P2RY2: variants seen among roughly 807,000 people sequenced by gnomAD.
The protein encoded by P2RY2 is P2Y purinoceptor 2.
For synonymous variants in P2RY2, 241 were observed against 231.9 expected (o/e 1.04, Z -0.35); for missense variants, 567 against 515.7 (o/e 1.10, Z -0.96).
In P2RY2 at chr11:73,235,326, T is replaced by C. The variant is rs775834297; in HGVS notation, c.*33T>C. ...ACACTTCAGCCTGTGCAGGTTTATA[T>C]TGGGAAGCTGTAGAGGACCAGGACT... is the stretch of plus-strand genomic sequence containing the variant. On this transcript the variant is annotated 3_prime_UTR_variant, in exon 3 of 3. Coordinates refer to ENST00000393597, the MANE Select transcript of P2RY2 (RefSeq NM_002564.4). 1.3e-6 allele frequency: 2 copies of C among 1,518,394 alleles called. No individual in the cohort carries two copies. Among genetic ancestry groups the C allele is most frequent in the South Asian group, 1.3e-5 (1 of 75,628 alleles). The allele number at this position is 1,518,394 out of a possible 1,614,324, so 94.1% of individuals were successfully genotyped here.
intron 2 of P2RY2, among the ~76,000 whole-genome samples, chr11:73,230,464 G>C (rs568542014): frequency 2.6e-5 from 4 of 151,956 alleles, no homozygotes; most frequent in Non-Finnish European, 4.4e-5. Context: ...TAACACCACC[G>C]TGGGCCTACT....
intron 1 of P2RY2, among the ~76,000 whole-genome samples, chr11:73,219,192 T>G: frequency 6.6e-6 from 1 of 152,318 alleles, no homozygotes. Flanking sequence ...CATCCCCAGC[T>G]TCCCAGGACC....
chr11:73,230,707 A>G (rs1012957457), intron 2 of P2RY2, among the ~76,000 whole-genome samples: 1 of 152,116 alleles, frequency 6.6e-6, no homozygotes, highest in African/African-American at 2.4e-5. Context: ...AAGCAGCAGC[A>G]ACTAAGGCTG....
intron 1 of P2RY2, among the ~76,000 whole-genome samples, chr11:73,222,436 T>C (rs896615296): frequency 3.3e-5 from 5 of 152,118 alleles, no homozygotes; most frequent in African/African-American, 1.2e-4. Context: ...GCACCATCTT[T>C]GTAAAGGTTG....
intron 1 of P2RY2, among the ~76,000 whole-genome samples, chr11:73,219,175 A>G (rs922422451): frequency 5.9e-5 from 9 of 152,196 alleles, no homozygotes; most frequent in African/African-American, 2.2e-4. Flanking sequence ...TGTTCCTCTC[A>G]GCATGGCATC....
intron 1 of P2RY2, among the ~76,000 whole-genome samples, chr11:73,225,664 A>AGCTTTGTGAGCTGTGAGGTT (rs777327318): frequency 2.1e-3 from 324 of 152,132 alleles, no homozygotes; most frequent in African/African-American, 7.3e-3. Context: ...GCCGTTTGCT[A>AGCTTTGTGAGCTGTGAGGTT]ATTCAGGATT....
intron 1 of P2RY2, among the ~76,000 whole-genome samples, chr11:73,226,411 G>A (rs866375356): frequency 6.6e-6 from 1 of 152,070 alleles, no homozygotes. Flanking sequence ...TAGATCAGTG[G>A]GGAGCTACCA....
rs149494051 is a variant in P2RY2, at chr11:73,234,947, T to C, written c.788T>C (p.Val263Ala). ...VFALCFLPFH[V>A]TRTLYYSFRS... ...GCCCTCTGCTTCCTGCCATTCCACG[T>C]CACCCGCACCCTCTACTACTCCTTC... The change falls in exon 3 of 3, where the codon GTC (valine) becomes GCC (alanine). Residue 263 changes from valine to alanine, a missense_variant. Transcript: ENST00000393597. The C allele has an allele frequency of 1.5e-4, 235 of 1,610,962 alleles. 1 individual carries two copies. The African/African-American group carries it at 2.4e-3, about 16-fold the overall frequency.
Position 73,231,528 on chromosome 11 carries a change from G to A in P2RY2, c.-4-2628G>A, listed in dbSNP as rs146937874. ...GCTGAGATCACGCCACTGCATTCCA[G>A]TCTGGGTGATGGAGTGAGAATCTGT... is the stretch of plus-strand genomic sequence containing the variant. On this transcript the variant is annotated intron_variant, in intron 2 of 2. Transcript: ENST00000393597. 1.3e-4 allele frequency among the ~76,000 whole-genome samples: 19 copies of A among 151,258 alleles called. No homozygotes were observed. The East Asian group carries it at 3.5e-3, about 28-fold the overall frequency.
chr11:73,228,118 G>A lies in P2RY2; in HGVS notation c.-62G>A, dbSNP rs1212522040. On this transcript the variant is annotated 5_prime_UTR_variant, in exon 2 of 3. An upstream start codon of the reference 5' UTR is lost. Coordinates refer to ENST00000393597, the MANE Select transcript of P2RY2 (RefSeq NM_002564.4). ...TCCAGGTCCAGGCGTGTGCATTCAT[G>A]AGTGAGGAACCCGTGCAGGCGCTGA... 6.6e-6 allele frequency: 1 copy of A among 151,104 alleles called. No individual in the cohort carries two copies. Among genetic ancestry groups the A allele is most frequent in the Admixed American group, 6.6e-5 (1 of 15,138 alleles). 9.4% of individuals were successfully genotyped at this position (151,104 alleles called of 1,614,324 possible).
At position 73,235,963 on chromosome 11, in the gene P2RY2, GA is replaced by G. The variant is rs1862641907; in HGVS notation, c.*671del. On this transcript the variant is annotated 3_prime_UTR_variant, in exon 3 of 3. Coordinates refer to ENST00000393597, the MANE Select transcript of P2RY2 (RefSeq NM_002564.4). Reference sequence around the variant, plus strand: ...GTGCCCTATTGTGTGGTCGGGGGATGAGGATATGGCAGGGAAGCTTTCACCA... The same window carrying G: ...GTGCCCTATTGTGTGGTCGGGGGATGGGATATGGCAGGGAAGCTTTCACCA... 1 of 1,000,240 alleles carries G rather than the reference GA, an allele frequency of 1.0e-6. No individual in the cohort carries two copies. Among genetic ancestry groups the G allele is most frequent in the African/African-American group, 1.7e-5 (1 of 57,222 alleles). 62.0% of individuals were successfully genotyped at this position (1,000,240 alleles called of 1,614,324 possible). A position where few individuals can be genotyped will look rare whatever the true frequency, so the allele number is the denominator to read the frequency against.
chr11:73,225,592 G>C lies in P2RY2; in HGVS notation c.-199-2389G>C, dbSNP rs541961213. Among the ~76,000 whole-genome samples the C allele has an allele frequency of 4.8e-4, 73 of 152,368 alleles. 1 individual carries two copies. The highest frequency in any genetic ancestry group is 2.3e-3 in the South Asian group (11 of 4,830). On this transcript the variant is annotated intron_variant, in intron 1 of 2. Coordinates refer to ENST00000393597, the MANE Select transcript of P2RY2 (RefSeq NM_002564.4). ...CTTCCTGGGAGAGGGCCGGGGCCTT[G>C]CAGGGCAGGAGGTAGTGGTCAGGGG...
At position 73,237,094 on chromosome 11, in the gene P2RY2, G is replaced by A; in HGVS notation, c.*1801G>A. 1.0e-6 allele frequency: 1 copy of A among 985,318 alleles called. No individual in the cohort carries two copies. Among genetic ancestry groups the A allele is most frequent in the Non-Finnish European group, 1.2e-6 (1 of 829,900 alleles). The allele number at this position is 985,318 out of a possible 1,614,324, so 61.0% of individuals were successfully genotyped here. On this transcript the variant is annotated 3_prime_UTR_variant, in exon 3 of 3. Coordinates refer to ENST00000393597, the MANE Select transcript of P2RY2 (RefSeq NM_002564.4). ...GCTGTATTTGGAGCCTGACTCCACA[G>A]CGCCCTCATGTGACAGAGACCCATC...
chr11:73,225,197 G>A (rs1405898350), intron 1 of P2RY2, among the ~76,000 whole-genome samples: 1 of 152,198 alleles, frequency 6.6e-6, no homozygotes, highest in Non-Finnish European at 1.5e-5. Context: ...TCTAGTGGAG[G>A]GGCTGGAATG....
At position 73,238,976 on chromosome 11, in the gene P2RY2, A is replaced by C. The variant is rs1445243059; in HGVS notation, c.*3683A>C. 2 of 152,120 alleles carry C rather than the reference A, an allele frequency of 1.3e-5. No homozygotes were observed. The highest frequency in any genetic ancestry group is 2.9e-5 in the Non-Finnish European group (2 of 68,022). 9.4% of individuals were successfully genotyped at this position (152,120 alleles called of 1,614,324 possible). ...CTGGGGTCTCTTGGGCAAGTTACCT[A>C]ATCTTGCAGCACCTCAGTTTTCCCA... On this transcript the variant is annotated 3_prime_UTR_variant, in exon 3 of 3. Transcript: ENST00000393597.
rs1376811684 is a variant in P2RY2 at position 73,241,641 on chromosome 11, T to C, written c.*6348T>C. Reference sequence around the variant, plus strand: ...TTCCATCGCCTGCTTAATTGAATGCTCACCTGTCCTCTTCCCCCATGCTGT... The same window carrying C: ...TTCCATCGCCTGCTTAATTGAATGCCCACCTGTCCTCTTCCCCCATGCTGT... On this transcript the variant is annotated 3_prime_UTR_variant, in exon 3 of 3. Coordinates refer to ENST00000393597, the MANE Select transcript of P2RY2 (RefSeq NM_002564.4). 1.3e-5 allele frequency: 2 copies of C among 152,190 alleles called. No homozygotes were observed. Among genetic ancestry groups the C allele is most frequent in the African/African-American group, 4.8e-5 (2 of 41,428 alleles). The allele number at this position is 152,190 out of a possible 1,614,324, so 9.4% of individuals were successfully genotyped here. A position where few individuals can be genotyped will look rare whatever the true frequency, so the allele number is the denominator to read the frequency against.
chr11:73,225,296 A>G (rs1354413906), intron 1 of P2RY2, among the ~76,000 whole-genome samples: 1 of 152,216 alleles, frequency 6.6e-6, no homozygotes, highest in Non-Finnish European at 1.5e-5. Context: ...AGAACCACAA[A>G]GAGAAAGGCC....
chr11:73,232,119 TGAG>T (rs1197681893), intron 2 of P2RY2, among the ~76,000 whole-genome samples: 2 of 152,060 alleles, frequency 1.3e-5, no homozygotes, highest in Non-Finnish European at 2.9e-5. Flanking sequence ...ATTCTCAGGA[TGAG>T]GAGGACTCAC....
Position 73,241,533 on chromosome 11 carries a change from T to C in P2RY2, c.*6240T>C, listed in dbSNP as rs971680853. ...TGCTCCCTGCTCAGTGACGTGTGAT[T>C]TTCCTTTCCCATCCATAAACTGCGC... On this transcript the variant is annotated 3_prime_UTR_variant, in exon 3 of 3. Transcript: ENST00000393597. The C allele has an allele frequency of 6.6e-6, 1 of 152,284 alleles. No individual in the cohort carries two copies. The highest frequency in any genetic ancestry group is 2.4e-5 in the African/African-American group (1 of 41,446). The allele number at this position is 152,284 out of a possible 1,614,324, so 9.4% of individuals were successfully genotyped here.
Sources: gnomAD v4.1 joint callset for allele counts (sites outside exome capture counted in the v4.1 genomes callset) on GRCh38, gnomAD v4.1.1 for gene constraint, MANE v1.5 for transcripts, NCBI Gene and HGNC (gene_info 2026-07-23, HGNC 2026-07-21) for gene names.